The following PHC3 variants were observed in gnomAD, a reference collection of about 807,000 sequenced individuals.
PHC3 encodes the protein polyhomeotic homolog 3, also known as polyhomeotic-like protein 3.
In PHC3, 13 loss-of-function variants were observed where a neutral mutation model predicts 107.4. That is an observed-to-expected ratio of 0.12 (90% confidence interval 0.08 to 0.19). The LOEUF (loss-of-function observed/expected upper bound fraction) is 0.19, where lower values mean the gene tolerates loss of function less well. PHC3 is among the 10% of genes least tolerant of loss of function. PHC3 has a pLI of 1.00. For missense variants in PHC3, 992 were observed against 1,210.9 expected, an observed-to-expected ratio of 0.82 and a Z score of 2.68; for synonymous variants, 456 against 427.4, an observed-to-expected ratio of 1.07 and a Z score of -0.83.
rs1719224908 is a variant in PHC3 at position 170,117,370 on chromosome 3, A to G, written c.2049T>C (p.Ala683=). ...ATGTACTGTTACTCCTTGTGGTGGC[A>G]GCTGGAAGTAACAATGGAGGTGGTG... ...SVPPPPLLLP[A]ATTRSNSTSM... The change falls in exon 10 of 15, where the codon GCT becomes GCC. Residue 683 remains alanine (A), a synonymous_variant. Transcript: ENST00000495893. 6.2e-7 allele frequency: 1 copy of G among 1,613,952 alleles called. No individual in the cohort carries two copies. The highest frequency in any genetic ancestry group is 1.6e-4 in the Middle Eastern group (1 of 6,062).
intron 2 of PHC3, among the ~76,000 whole-genome samples, chr3:170,175,739 A>G (rs866352202): frequency 1.3e-5 from 2 of 151,952 alleles, no homozygotes; most frequent in Admixed American, 1.3e-4. Context: ...CCTGGCTAAC[A>G]TGGTGAAGCC....
In PHC3 at chr3:170,113,401, T is replaced by C. The variant is rs751917694; in HGVS notation, c.2312A>G (p.Asp771Gly). ...TTCCATCTCTGTGTCAGATGAATTA[T>C]CCGCATGTTTTGTATTATTCTGTAG... The part of the protein sequence containing the change: ...PELQNNTKHA[D>G]NSSDTEMEDM... The change falls in exon 11 of 15, where the codon GAT (aspartate) becomes GGT (glycine). Residue 771 changes from aspartate (D) to glycine (G), a missense_variant. By Grantham distance (94) the Asp-to-Gly change is moderately conservative. Around this residue, in one of 6 missense-constraint regions of PHC3, gnomAD observed 228 missense variants for 288.8 expected, o/e 0.79. Coordinates refer to ENST00000495893, the MANE Select transcript of PHC3 (RefSeq NM_024947.4). The C allele has an allele frequency of 1.9e-6, 3 of 1,612,154 alleles. No individual in the cohort carries two copies. The highest frequency in any genetic ancestry group is 3.3e-5 in the Admixed American group (2 of 59,776).
At chr3:170,148,570 G>GA (rs1248864239) in intron 5 of PHC3, 1 of 152,230 alleles carries the variant, frequency 6.6e-6, no homozygotes, top group Non-Finnish European at 1.5e-5. Flanking sequence ...TTTGAGATGG[G>GA]AAAAACCAAA....
chr3:170,117,069 T>C lies in PHC3; in HGVS notation c.2193+157A>G, dbSNP rs559386700. On this transcript the variant is annotated intron_variant, in intron 10 of 14. Transcript: ENST00000495893. ...CTGGCATAAAATTCTACATAAACAT[T>C]TGGAAATAAAGGAAGTAGAAAGATA... is the stretch of plus-strand genomic sequence containing the variant. 2.0e-3 allele frequency: 1,895 copies of C among 956,066 alleles called. 7 individuals carry two copies. The highest frequency in any genetic ancestry group is 2.5e-3 in the Non-Finnish European group (1,661 of 662,318). 59.2% of individuals were successfully genotyped at this position (956,066 alleles called of 1,614,324 possible). A position where few individuals can be genotyped will look rare whatever the true frequency, so the allele number is the denominator to read the frequency against.
chr3:170,168,810 G>T (rs1483658982), intron 4 of PHC3, among the ~76,000 whole-genome samples: 1 of 149,986 alleles, frequency 6.7e-6, no homozygotes, highest in African/African-American at 2.5e-5. Context: ...TGTAGAATTA[G>T]TCATGATTCT....
At chr3:170,151,589 T>C (rs943326801) in intron 4 of PHC3, among the ~76,000 whole-genome samples, 3 of 152,216 alleles carry the variant, frequency 2.0e-5, no homozygotes, top group Non-Finnish European at 4.4e-5. Flanking sequence ...AGATCCATCT[T>C]TGTGCTTATT....
At chr3:170,121,261 C>T (rs1720228241) in intron 9 of PHC3, among the ~76,000 whole-genome samples, 1 of 151,808 alleles carries the variant, frequency 6.6e-6, no homozygotes, top group African/African-American at 2.4e-5. Flanking sequence ...ATTACATGAG[C>T]CCAGGAGTTA....
intron 12 of PHC3, 134 bp downstream of exon 12, chr3:170,106,688 CTATATAATAA>C (rs961202458): frequency 3.1e-5 from 15 of 480,826 alleles, no homozygotes; most frequent in African/African-American, 6.0e-5. Context: ...TATTATTCTT[CTATATAATAA>C]TATCTAGGTT....
intron 1 of PHC3, among the ~76,000 whole-genome samples, chr3:170,180,058 C>T (rs1384075323): frequency 6.7e-6 from 1 of 148,608 alleles, no homozygotes; most frequent in East Asian, 2.0e-4. Flanking sequence ...CATAGCGTTG[C>T]TTTTTTAAGT....
intron 5 of PHC3, among the ~76,000 whole-genome samples, chr3:170,146,786 G>T (rs1047219240): frequency 1.3e-5 from 2 of 150,932 alleles, no homozygotes; most frequent in African/African-American, 4.9e-5. Context: ...GCCCACCTCA[G>T]CCTCCCAAAG....
chr3:170,088,492 G>T lies in PHC3; in HGVS notation c.*8738C>A, dbSNP rs1576925564. 1 of 152,046 alleles carries T rather than the reference G, an allele frequency of 6.6e-6. No individual in the cohort carries two copies. Among genetic ancestry groups the T allele is most frequent in the South Asian group, 2.1e-4 (1 of 4,814 alleles). 9.4% of individuals were successfully genotyped at this position (152,046 alleles called of 1,614,324 possible). Reference sequence around the variant, plus strand: ...AATACTACTTTGAGGATAGTTTTTGGAACTTATTTTGACTTTTTTCCCTAT... The same window carrying T: ...AATACTACTTTGAGGATAGTTTTTGTAACTTATTTTGACTTTTTTCCCTAT... On this transcript the variant is annotated 3_prime_UTR_variant, in exon 15 of 15. Transcript: ENST00000495893.
chr3:170,141,785 G>T (rs1560085870), intron 6 of PHC3, among the ~76,000 whole-genome samples: 3 of 151,836 alleles, frequency 2.0e-5, no homozygotes, highest in Admixed American at 6.6e-5. Flanking sequence ...CAAATTTTTT[G>T]TATAGATGGG....
intron 10 of PHC3, 28 bp downstream of exon 10, chr3:170,117,196 AAC>A (rs771448908): frequency 4.3e-6 from 7 of 1,613,182 alleles, no homozygotes; most frequent in Non-Finnish European, 5.9e-6. Flanking sequence ...ATAAATTACA[AAC>A]ACACACACAA....
At chr3:170,101,756 G>A (rs1715514579) in intron 14 of PHC3, among the ~76,000 whole-genome samples, 1 of 151,966 alleles carries the variant, frequency 6.6e-6, no homozygotes, top group African/African-American at 2.4e-5. Flanking sequence ...CCTTGGAGAA[G>A]GTGGATATAA....
rs566823373 is a variant in PHC3, at chr3:170,176,929, A to T, written c.180+1844T>A. On this transcript the variant is annotated intron_variant, in intron 2 of 14. Transcript: ENST00000495893. ...CATACCCAAGGCTATATAGCTCCTA[A>T]AGATAATGAAAATGGAATTCAAACA... The T allele has an allele frequency of 4.3e-4, 198 of 455,660 alleles. 1 individual carries two copies. The highest frequency in any genetic ancestry group is 3.0e-3 in the South Asian group (194 of 64,468). 28.2% of individuals were successfully genotyped at this position (455,660 alleles called of 1,614,324 possible).
rs7434028 is a variant in PHC3, at chr3:170,091,705, G to C, written c.*5525C>G. Reference sequence around the variant, plus strand: ...GTATGTTTTCTAAATTGAAAGTTTAGAAAAAGCCATATTCTCTGGAATGTG... The same window carrying C: ...GTATGTTTTCTAAATTGAAAGTTTACAAAAAGCCATATTCTCTGGAATGTG... On this transcript the variant is annotated 3_prime_UTR_variant, in exon 15 of 15. Coordinates refer to ENST00000495893, the MANE Select transcript of PHC3 (RefSeq NM_024947.4). 6.6e-6 allele frequency: 1 copy of C among 152,010 alleles called. No individual in the cohort carries two copies. Among genetic ancestry groups the C allele is most frequent in the Non-Finnish European group, 1.5e-5 (1 of 67,996 alleles). 9.4% of individuals were successfully genotyped at this position (152,010 alleles called of 1,614,324 possible). A position where few individuals can be genotyped will look rare whatever the true frequency, so the allele number is the denominator to read the frequency against.
At chr3:170,136,789 G>A in intron 6 of PHC3, 124 bp from the exon 7 acceptor site, 1 of 998,372 alleles carries the variant, frequency 1.0e-6, no homozygotes, top group South Asian at 1.8e-5. Flanking sequence ...AAAGCTCCAA[G>A]CACTTGAAAG....
At chr3:170,173,922 T>C (rs138702557) in intron 2 of PHC3, among the ~76,000 whole-genome samples, 35 of 152,294 alleles carry the variant, frequency 2.3e-4, no homozygotes, top group African/African-American at 8.4e-4. Context: ...GCTGGGCAGG[T>C]TGGCTCATGC....
chr3:170,128,435 T>G (rs1184341244), intron 8 of PHC3: 30 of 1,270,474 alleles, frequency 2.4e-5, no homozygotes, highest in Non-Finnish European at 3.0e-5. Context: ...TGGATTTGTT[T>G]AAATAGTAAT....
Sources: gnomAD v4.1 joint callset for allele counts (sites outside exome capture counted in the v4.1 genomes callset) on GRCh38, gnomAD v4.1.1 for gene constraint, gnomAD v4.1.1 regional missense constraint, MANE v1.5 for transcripts, NCBI Gene and HGNC (gene_info 2026-07-23, HGNC 2026-07-21) for gene names.